The following ADGRV1 variants were observed in gnomAD, a reference collection of about 807,000 sequenced individuals.
ADGRV1 encodes the protein G-protein coupled receptor 98.
Under a neutral mutation model 596.2 loss-of-function variants are expected in ADGRV1, and 359 were observed. The ratio of observed to expected loss-of-function variants is 0.60; its 90% confidence interval spans 0.55 to 0.66. The LOEUF (loss-of-function observed/expected upper bound fraction) is 0.66, where lower values mean the gene tolerates loss of function less well. Among genes scored for constraint, ADGRV1 ranks in the 30% least tolerant of loss-of-function variants. The pLI is 0.00. For synonymous variants in ADGRV1, 2,681 were observed against 2,679.2 expected (o/e 1.00, Z -0.02); for missense variants, 7,274 against 7,575.6 (o/e 0.96, Z 1.48).
chr5:90,805,388 G>C lies in ADGRV1; in HGVS notation c.14766G>C (p.Trp4922Cys). The change falls in exon 72 of 90, where the codon TGG becomes TGC. Residue 4922 changes from tryptophan (W) to cysteine (C), a missense_variant. By Grantham distance (215) the Trp-to-Cys change is radical. Around this residue, in one of 5 missense-constraint regions of ADGRV1, gnomAD observed 1,874 missense variants for 1,970.2 expected, o/e 0.95. Transcript: ENST00000405460. ...CATATGGAGCTCTCTCGGTTGCCTG[G>C]ACCACTGGATATGCTCCTGGGTTAG... ...RGTYGALSVA[W>C]TTGYAPGLEI... is the part of the protein sequence containing the mutation. The C allele has an allele frequency of 6.2e-7, 1 of 1,610,676 alleles. No individual in the cohort carries two copies. Among genetic ancestry groups the C allele is most frequent in the Non-Finnish European group, 8.5e-7 (1 of 1,177,290 alleles).
intron 1 of ADGRV1, among the ~76,000 whole-genome samples, chr5:90,582,995 A>T (rs754360197): frequency 7.9e-5 from 12 of 152,242 alleles, no homozygotes; most frequent in Non-Finnish European, 1.3e-4. Flanking sequence ...TATAATAAAT[A>T]TATTTCTAAA....
At chr5:90,890,850 A>AT (rs1464463995) in intron 83 of ADGRV1, among the ~76,000 whole-genome samples, 1 of 152,166 alleles carries the variant, frequency 6.6e-6, no homozygotes, top group East Asian at 1.9e-4. Flanking sequence ...GTGTCATCAG[A>AT]TTTTTTTACT....
At chr5:90,722,523 C>T (rs1338517363) in intron 45 of ADGRV1, among the ~76,000 whole-genome samples, 10 of 150,696 alleles carry the variant, frequency 6.6e-5, no homozygotes, top group Admixed American at 2.6e-4. Context: ...CCAGCCTGAC[C>T]CACACGGAGA....
intron 45 of ADGRV1, among the ~76,000 whole-genome samples, chr5:90,721,571 T>TA (rs1319696229): frequency 0.044 from 5,936 of 135,038 alleles, 754 homozygotes; most frequent in East Asian, 0.19. Flanking sequence ...TAAAATAAAA[T>TA]AAAATAAAAT....
intron 75 of ADGRV1, among the ~76,000 whole-genome samples, chr5:90,817,064 C>CCAGCACCT (rs1228002373): frequency 2.6e-5 from 4 of 152,216 alleles, no homozygotes; most frequent in Non-Finnish European, 2.9e-5. Flanking sequence ...CACACCCTTT[C>CCAGCACCT]CAGCACCTGT....
chr5:90,749,858 GAAGA>G (rs1755047216), intron 52 of ADGRV1, among the ~76,000 whole-genome samples: 1 of 152,114 alleles, frequency 6.6e-6, no homozygotes, highest in Admixed American at 6.5e-5. Flanking sequence ...GCATAGATAA[GAAGA>G]AAGAAAGTAA....
chr5:91,020,090 A>G (rs1783510570), intron 85 of ADGRV1, among the ~76,000 whole-genome samples: 1 of 63,332 alleles, frequency 1.6e-5, no homozygotes, highest in African/African-American at 5.7e-5. Flanking sequence ...TAGTTACGGC[A>G]TATTGGCTAT....
chr5:91,129,484 C>G (rs1794034369), intron 87 of ADGRV1, among the ~76,000 whole-genome samples: 1 of 152,134 alleles, frequency 6.6e-6, no homozygotes, highest in Non-Finnish European at 1.5e-5. Context: ...CATCATAGAT[C>G]AAAGTTTGAT....
intron 85 of ADGRV1, among the ~76,000 whole-genome samples, chr5:91,012,101 G>T (rs1006669940): frequency 6.6e-6 from 1 of 151,856 alleles, no homozygotes; most frequent in African/African-American, 2.4e-5. Flanking sequence ...CTTGCTAACC[G>T]TGTTCAGTTT....
At position 90,985,442 on chromosome 5, in the gene ADGRV1, G is replaced by A; in HGVS notation, c.18072G>A (p.Val6024=). ...FLLSWGLPAF[V]VILLIVILKG... is the part of the protein sequence containing the mutation. ...TGAGTTGGGGACTACCAGCTTTTGT[G>A]GTGATTCTCCTCATAGTTATTTTGA... Residue 6024 remains valine, a synonymous_variant, in exon 85 of 90, where the codon GTG becomes GTA. Coordinates refer to ENST00000405460, the MANE Select transcript of ADGRV1 (RefSeq NM_032119.4). The A allele has an allele frequency of 6.2e-7, 1 of 1,613,678 alleles. No individual in the cohort carries two copies. Among genetic ancestry groups the A allele is most frequent in the Non-Finnish European group, 8.5e-7 (1 of 1,179,678 alleles).
At chr5:90,570,448 T>C (rs1022658796) in intron 1 of ADGRV1, among the ~76,000 whole-genome samples, 2 of 152,146 alleles carry the variant, frequency 1.3e-5, no homozygotes, top group Admixed American at 6.5e-5. Context: ...TTCTTAGATA[T>C]GTAGATTAAT....
chr5:91,081,615 G>C (rs1245225985), intron 86 of ADGRV1, among the ~76,000 whole-genome samples: 1 of 151,800 alleles, frequency 6.6e-6, no homozygotes, highest in African/African-American at 2.4e-5. Flanking sequence ...GTGAAACCCC[G>C]TCTCTACAAA....
intron 50 of ADGRV1, among the ~76,000 whole-genome samples, chr5:90,734,126 C>G (rs987967258): frequency 6.6e-6 from 1 of 152,098 alleles, no homozygotes; most frequent in African/African-American, 2.4e-5. Flanking sequence ...GAATAGTATT[C>G]CATCGCGTAT....
rs754389665 is a variant in ADGRV1, at chr5:90,648,687, G to A, written c.3289+923G>A. Among the ~76,000 whole-genome samples the A allele has an allele frequency of 4.5e-4, 68 of 152,204 alleles. 1 individual carries two copies. Among genetic ancestry groups the A allele is most frequent in the Non-Finnish European group, 8.5e-4 (58 of 68,004 alleles). On this transcript the variant is annotated intron_variant, in intron 17 of 89. Transcript: ENST00000405460. The stretch of plus-strand genomic sequence containing the variant: ...TTTGACTTTCTTCATTGCTGTCTCT[G>A]TTTCTATTCTGCTTCCTCTTTTTCT...
At chr5:90,742,469 G>A (rs1016789230) in intron 50 of ADGRV1, among the ~76,000 whole-genome samples, 3 of 152,142 alleles carry the variant, frequency 2.0e-5, no homozygotes, top group Admixed American at 2.0e-4. Flanking sequence ...GACAGTAAGG[G>A]AACAGTGATA....
intron 1 of ADGRV1, among the ~76,000 whole-genome samples, chr5:90,569,752 G>A (rs899757057): frequency 2.7e-5 from 4 of 150,932 alleles, no homozygotes; most frequent in African/African-American, 9.7e-5. Flanking sequence ...GTTACCCTGG[G>A]GATTACATTT....
chr5:90,855,970 T>A (rs1766986585), intron 82 of ADGRV1, 69 bp downstream of exon 82: 1 of 1,265,282 alleles, frequency 7.9e-7, no homozygotes, highest in African/African-American at 1.5e-5. Flanking sequence ...TTTCCCATAA[T>A]CCTTTTACGT....
At position 90,694,359 on chromosome 5, in the gene ADGRV1, G is replaced by A. The variant is rs1363436684; in HGVS notation, c.7603G>A (p.Asp2535Asn). Residue 2535 changes from aspartate (D) to asparagine (N), a missense_variant, in exon 33 of 90, where the codon GAT (aspartate) becomes AAT (asparagine). Coordinates refer to ENST00000405460, the MANE Select transcript of ADGRV1 (RefSeq NM_032119.4). ...TCTTCCTGATGATTTCCCAGAGATG[G>A]ATGAGAGTTTTCTAATTTCTCTCCT... ...SILPDDFPEM[D>N]ESFLISLLEV... is the part of the protein sequence containing the mutation. 1.9e-6 allele frequency: 3 copies of A among 1,613,848 alleles called. No individual in the cohort carries two copies. The Admixed American group carries it at 5.0e-5, about 27-fold the overall frequency.
intron 87 of ADGRV1, among the ~76,000 whole-genome samples, chr5:91,126,374 G>A (rs1230197545): frequency 6.6e-6 from 1 of 152,142 alleles, no homozygotes; most frequent in African/African-American, 2.4e-5. Context: ...CCAAAACAAT[G>A]TTTACATGAA....
Sources: gnomAD v4.1 joint callset for allele counts (sites outside exome capture counted in the v4.1 genomes callset) on GRCh38, gnomAD v4.1.1 for gene constraint, gnomAD v4.1.1 regional missense constraint, MANE v1.5 for transcripts, NCBI Gene and HGNC (gene_info 2026-07-23, HGNC 2026-07-21) for gene names.